Variants in STKLD1 observed in about 807,000 individuals in gnomAD.
STKLD1 encodes the protein serine/threonine kinase-like domain-containing protein STKLD1.
A neutral mutation model predicts 80.4 loss-of-function variants in STKLD1; 79 were observed. The ratio of observed to expected loss-of-function variants is 0.98; its 90% CI spans 0.82 to 1.19. The LOEUF is 1.19. Among genes scored for constraint, STKLD1 ranks in the 50% most tolerant of loss-of-function variants. STKLD1 has a pLI of 0.00. For missense variants in STKLD1, 841 were observed against 856.0 expected (o/e 0.98, Z 0.22); for synonymous variants, 393 against 357.6 (o/e 1.10, Z -1.12).
At position 133,394,291 on chromosome 9, in the gene STKLD1, A is replaced by T. The variant is rs782610906; in HGVS notation, c.584A>T (p.Asp195Val). 1 of 1,608,796 alleles carries T rather than the reference A, an allele frequency of 6.2e-7. No individual in the cohort carries two copies. The highest frequency in any genetic ancestry group is 1.3e-5 in the African/African-American group (1 of 74,656). The change falls in exon 8 of 18, where the codon GAC becomes GTC. Residue 195 changes from aspartate to valine, a missense_variant and splice_region_variant. Coordinates refer to ENST00000371957, the MANE Select transcript of STKLD1 (RefSeq NM_153710.5). This position sits in a 1 kb window ranked among gnomAD's most constrained non-coding sequence, Gnocchi z 4.9. ...KAKWNIRAEE[D>V]PFRKSWMAPE... ...GATCCCACCTTGCTTTTACCAACAG[A>T]CCCCTTTCGTAAGTCCTGGATGGCC...
intron 5 of STKLD1, chr9:133,388,927 G>A (rs1472397265): frequency 2.8e-5 from 28 of 985,256 alleles, no homozygotes; most frequent in Non-Finnish European, 3.4e-5. Flanking sequence ...AACCCAGTAA[G>A]TGCAGCAGAC....
chr9:133,398,431 G>T (rs948328978), intron 11 of STKLD1, among the ~76,000 whole-genome samples: 1 of 152,198 alleles, frequency 6.6e-6, no homozygotes. Context: ...CAGATTCCTA[G>T]ATGTTCAAGA....
intron 5 of STKLD1, chr9:133,387,800 G>A (rs1169815910): frequency 1.6e-6 from 1 of 609,966 alleles, no homozygotes; most frequent in African/African-American, 1.8e-5. Flanking sequence ...TTCCCAGTCG[G>A]TGACCATGAT....
chr9:133,401,617 C>CA, intron 12 of STKLD1, 121 bp from the exon 13 acceptor site: 1 of 1,276,660 alleles, frequency 7.8e-7, no homozygotes, highest in Non-Finnish European at 1.1e-6. Flanking sequence ...CAGAACAAGG[C>CA]AGACCTCGGT....
At chr9:133,398,767 T>A (rs958829661) in intron 11 of STKLD1, among the ~76,000 whole-genome samples, 1 of 152,218 alleles carries the variant, frequency 6.6e-6, no homozygotes, top group African/African-American at 2.4e-5. Flanking sequence ...AGACCCTGTC[T>A]CAGAAAACAA....
intron 17 of STKLD1, 80 bp from the exon 18 acceptor site, chr9:133,405,172 C>T (rs587756412): frequency 5.9e-5 from 88 of 1,492,884 alleles, no homozygotes; most frequent in Admixed American, 2.4e-4. Context: ...GGGAATGTGA[C>T]CCACTCTCAT....
Position 133,405,411 on chromosome 9 carries a change from G to A in STKLD1, c.2033G>A (p.Gly678Glu). Residue 678 changes from glycine to glutamate, a missense_variant, in exon 18 of 18, where the codon GGA (glycine) becomes GAA (glutamate). Physicochemically the swap from Gly to Glu is moderately conservative, Grantham distance 98. Coordinates refer to ENST00000371957, the MANE Select transcript of STKLD1 (RefSeq NM_153710.5). ...SPQLGCTTSG[G>E]LE Reference sequence around the variant, plus strand: ...CAGCTGGGGTGCACCACGTCTGGGGGACTGGAATAGATGTTTGTATGGAAC... The same window carrying A: ...CAGCTGGGGTGCACCACGTCTGGGGAACTGGAATAGATGTTTGTATGGAAC... 6.2e-7 allele frequency: 1 copy of A among 1,607,134 alleles called. No individual in the cohort carries two copies. The highest frequency in any genetic ancestry group is 8.5e-7 in the Non-Finnish European group (1 of 1,179,136).
In STKLD1 at chr9:133,379,057, G is replaced by A; in HGVS notation, c.109G>A (p.Gly37Arg). The change falls in exon 2 of 18, where the codon GGG becomes AGG. Residue 37 changes from glycine (G) to arginine (R), a missense_variant. Gly to Arg is a moderately radical substitution (Grantham distance 125). Transcript: ENST00000371957. ...ATAGGTTTTGTACCAGCTGAATCCTGGGGCCTTGGGGGTGAACCTGGTGGT... is the reference window on the plus strand; with the variant it reads ...ATAGGTTTTGTACCAGCTGAATCCTAGGGCCTTGGGGGTGAACCTGGTGGT... ...KYQVLYQLNP[G>R]ALGVNLVVEE... 1 of 1,613,896 alleles carries A rather than the reference G, an allele frequency of 6.2e-7. No homozygotes were observed. The highest frequency in any genetic ancestry group is 1.1e-5 in the South Asian group (1 of 91,078).
At position 133,389,053 on chromosome 9, in the gene STKLD1, G is replaced by A. The variant is rs2130283293; in HGVS notation, c.397-473G>A. Reference sequence around the variant, plus strand: ...CTAGGAGCCCAGCTTTAGAATCACCGCGCTGGGTACTCGATGGAGCTTGTC... The same window carrying A: ...CTAGGAGCCCAGCTTTAGAATCACCACGCTGGGTACTCGATGGAGCTTGTC... On this transcript the variant is annotated intron_variant, in intron 5 of 17. Coordinates refer to ENST00000371957, the MANE Select transcript of STKLD1 (RefSeq NM_153710.5). This position sits in a 1 kb window ranked among gnomAD's most constrained non-coding sequence, Gnocchi z 6.4. 34 of 985,336 alleles carry A rather than the reference G, an allele frequency of 3.5e-5. No individual in the cohort carries two copies. In the Middle Eastern group the frequency reaches 1.6e-3, roughly 45 times the overall value. 61.0% of individuals were successfully genotyped at this position (985,336 alleles called of 1,614,324 possible).
At chr9:133,381,131 CTT>C (rs35031853) in intron 2 of STKLD1, among the ~76,000 whole-genome samples, 5 of 69,174 alleles carry the variant, frequency 7.2e-5, no homozygotes, top group African/African-American at 3.0e-4. Flanking sequence ...TACGATGTAA[CTT>C]TTTTTTTTTT....
chr9:133,378,617 C>T (rs1420696389), intron 1 of STKLD1, among the ~76,000 whole-genome samples: 1 of 152,270 alleles, frequency 6.6e-6, no homozygotes, highest in Non-Finnish European at 1.5e-5. Context: ...ATGCCAGGCA[C>T]ACAATGGCTT....
At position 133,397,285 on chromosome 9, in the gene STKLD1, A is replaced by G. The variant is rs1554776867; in HGVS notation, c.988A>G (p.Ser330Gly). ...CATGCTGTTAGAAGGCAACGTGGCC[A>G]GCATTTTAGGTGATGCTGGGGACAC... is the stretch of plus-strand genomic sequence containing the variant. ...TDMLLEGNVA[S>G]ILEVMQKFSG... is the part of the protein sequence containing the mutation. Residue 330 changes from serine to glycine, a missense_variant, in exon 10 of 18, where the codon AGC becomes GGC. Coordinates refer to ENST00000371957, the MANE Select transcript of STKLD1 (RefSeq NM_153710.5). 1 of 1,613,610 alleles carries G rather than the reference A, an allele frequency of 6.2e-7. No homozygotes were observed. Among genetic ancestry groups the G allele is most frequent in the South Asian group, 1.1e-5 (1 of 91,082 alleles).
chr9:133,391,197 GC>G (rs1378495170), intron 7 of STKLD1, among the ~76,000 whole-genome samples: 6 of 148,590 alleles, frequency 4.0e-5, no homozygotes, highest in African/African-American at 9.9e-5. Context: ...GGGGGGCTCA[GC>G]CCCCCCGCCC....
rs1838327123 is a variant in STKLD1 at position 133,389,098 on chromosome 9, A to T, written c.397-428A>T. 6 of 985,362 alleles carry T rather than the reference A, an allele frequency of 6.1e-6. No homozygotes were observed. Among genetic ancestry groups the T allele is most frequent in the Non-Finnish European group, 4.8e-6 (4 of 829,890 alleles). 61.0% of individuals were successfully genotyped at this position (985,362 alleles called of 1,614,324 possible). On this transcript the variant is annotated intron_variant, in intron 5 of 17. Transcript: ENST00000371957. This position sits in a 1 kb window ranked among gnomAD's most constrained non-coding sequence, Gnocchi z 6.4. ...CTTGTCTCTGATGCAGAACACTCCTAGCATTCTCTCTCAGGGCTCTTTTCA... is the reference window on the plus strand; with the variant it reads ...CTTGTCTCTGATGCAGAACACTCCTTGCATTCTCTCTCAGGGCTCTTTTCA...
At position 133,390,680 on chromosome 9, in the gene STKLD1, G is replaced by C; in HGVS notation, c.468-1G>C. 3 of 1,612,934 alleles carry C rather than the reference G, an allele frequency of 1.9e-6. No individual in the cohort carries two copies. Among genetic ancestry groups the C allele is most frequent in the Non-Finnish European group, 2.5e-6 (3 of 1,179,522 alleles). The stretch of plus-strand genomic sequence containing the variant: ...GAGGCAAACCCACCTCTTGGTTTCA[G>C]GAATCTCAAACCCTCCAACATCATC... On this transcript the variant is annotated splice_acceptor_variant, in intron 6 of 17. Coordinates refer to ENST00000371957, the MANE Select transcript of STKLD1 (RefSeq NM_153710.5). LOFTEE classifies it high-confidence loss of function. The surrounding 1 kb of genome is among the most constrained non-coding windows in gnomAD (Gnocchi z 5.1).
rs2130271951 is a variant in STKLD1, at chr9:133,384,072, G to A, written c.219+172G>A. The A allele has an allele frequency of 0.041, 25,481 of 625,978 alleles. 713 individuals are homozygous for A. Among genetic ancestry groups the A allele is most frequent in the African/African-American group, 0.087 (4,771 of 54,852 alleles). The allele number at this position is 625,978 out of a possible 1,614,324, so 38.8% of individuals were successfully genotyped here. On this transcript the variant is annotated intron_variant, in intron 3 of 17. Transcript: ENST00000371957. The surrounding 1 kb of genome is among the most constrained non-coding windows in gnomAD (Gnocchi z 4.3). ...CCAGCAGCCCCAGGTCATGAAGGGA[G>A]TCCATGCCCCAAACACTCACTGCTA... is the stretch of plus-strand genomic sequence containing the variant.
At chr9:133,377,623 A>C (rs1190410386) in intron 1 of STKLD1, among the ~76,000 whole-genome samples, 1 of 152,118 alleles carries the variant, frequency 6.6e-6, no homozygotes, top group African/African-American at 2.4e-5. Flanking sequence ...AGATAGCGCC[A>C]TTGGACTCCA....
In STKLD1 at chr9:133,384,022, C is replaced by G; in HGVS notation, c.219+122C>G. ...GCTGGAGGGAGGGATAGAGCATCAG[C>G]ACCAGTTTTGCCTCAGCTGTGAAGC... is the stretch of plus-strand genomic sequence containing the variant. On this transcript the variant is annotated intron_variant, in intron 3 of 17. Coordinates refer to ENST00000371957, the MANE Select transcript of STKLD1 (RefSeq NM_153710.5). This position sits in a 1 kb window ranked among gnomAD's most constrained non-coding sequence, Gnocchi z 4.3. 1 of 978,010 alleles carries G rather than the reference C, an allele frequency of 1.0e-6. No individual in the cohort carries two copies. Among genetic ancestry groups the G allele is most frequent in the Non-Finnish European group, 1.6e-6 (1 of 625,484 alleles). The allele number at this position is 978,010 out of a possible 1,614,324, so 60.6% of individuals were successfully genotyped here. A position where few individuals can be genotyped will look rare whatever the true frequency, so the allele number is the denominator to read the frequency against.
chr9:133,390,558 C>G lies in STKLD1; in HGVS notation c.468-123C>G. ...GAGGATGTGGGCTGCTGCTGCAGAA[C>G]CAGGTGGGGCAGGGAGCAGAGAGTC... On this transcript the variant is annotated intron_variant, in intron 6 of 17. Coordinates refer to ENST00000371957, the MANE Select transcript of STKLD1 (RefSeq NM_153710.5). The surrounding 1 kb of genome is among the most constrained non-coding windows in gnomAD (Gnocchi z 5.1). 1.4e-6 allele frequency: 1 copy of G among 691,754 alleles called. No homozygotes were observed. Among genetic ancestry groups the G allele is most frequent in the Non-Finnish European group, 2.6e-6 (1 of 386,884 alleles). The allele number at this position is 691,754 out of a possible 1,614,324, so 42.9% of individuals were successfully genotyped here.
Sources: gnomAD v4.1 joint callset for allele counts (sites outside exome capture counted in the v4.1 genomes callset) on GRCh38, gnomAD v4.1.1 for gene constraint, Gnocchi (gnomAD v3.1) non-coding constraint, MANE v1.5 for transcripts, NCBI Gene and HGNC (gene_info 2026-07-23, HGNC 2026-07-21) for gene names.